The following PTPRN2 variants were observed in gnomAD, a reference collection of about 807,000 sequenced individuals.
PTPRN2 encodes receptor-type tyrosine-protein phosphatase N2.
Under a neutral mutation model 118.8 loss-of-function variants are expected in PTPRN2, and 74 were observed. The observed-to-expected ratio is 0.62, with a 90% CI of 0.52 to 0.76. The LOEUF (loss-of-function observed/expected upper bound fraction) is 0.76, where lower values mean the gene tolerates loss of function less well. PTPRN2 is among the 30% of genes least tolerant of loss of function. PTPRN2 has a pLI of 0.00. For synonymous variants in PTPRN2, 641 were observed against 608.0 expected, an observed-to-expected ratio of 1.05 and a Z score of -0.80; for missense variants, 1,481 against 1,394.4, an observed-to-expected ratio of 1.06 and a Z score of -0.99.
chr7:157,842,750 C>T (rs1405210647), intron 12 of PTPRN2, among the ~76,000 whole-genome samples: 1 of 152,190 alleles, frequency 6.6e-6, no homozygotes, highest in Non-Finnish European at 1.5e-5. Flanking sequence ...CGCCACAGTG[C>T]ACACCCAGCC....
At chr7:157,961,017 ACAAAACAAAAC>A (rs1230953444) in intron 11 of PTPRN2, among the ~76,000 whole-genome samples, 3 of 152,192 alleles carry the variant, frequency 2.0e-5, no homozygotes, top group African/African-American at 2.4e-5. Context: ...AAAAACAAAA[ACAAAACAAAAC>A]CAAAACAAAA....
At chr7:158,490,593 C>A (rs1177883507) in intron 1 of PTPRN2, among the ~76,000 whole-genome samples, 4 of 152,224 alleles carry the variant, frequency 2.6e-5, no homozygotes, top group Non-Finnish European at 5.9e-5. Context: ...GCGGCTCCCG[C>A]GAGGGCGTGA....
At chr7:157,842,749 G>GCA (rs959181147) in intron 12 of PTPRN2, among the ~76,000 whole-genome samples, 5 of 152,092 alleles carry the variant, frequency 3.3e-5, no homozygotes, top group African/African-American at 1.2e-4. Context: ...CCGCCACAGT[G>GCA]CACACCCAGC....
Position 157,952,475 on chromosome 7 carries a change from C to CGG in PTPRN2, c.1724-53739_1724-53738insCC, listed in dbSNP as rs199915138. 6.9e-3 allele frequency among the ~76,000 whole-genome samples: 804 copies of CGG among 115,810 alleles called. 11 individuals carry two copies. Among genetic ancestry groups the CGG allele is most frequent in the Middle Eastern group, 0.022 (5 of 228 alleles). The allele number at this position is 115,810 out of a possible 152,430, so 76.0% of individuals were successfully genotyped here. A position where few individuals can be genotyped will look rare whatever the true frequency, so the allele number is the denominator to read the frequency against. On this transcript the variant is annotated intron_variant, in intron 11 of 22. Transcript: ENST00000389418. ...CATGCCTGAGACGGGGTGGGGGACACAGGGAGACAGGCGAGGGTGGGGAGG... is the reference window on the plus strand; with the variant it reads ...CATGCCTGAGACGGGGTGGGGGACACGGAGGGAGACAGGCGAGGGTGGGGAGG...
intron 13 of PTPRN2, 62 bp downstream of exon 13, chr7:157,682,662 GC>G: frequency 6.8e-7 from 1 of 1,475,708 alleles, no homozygotes; most frequent in Non-Finnish European, 9.4e-7. Context: ...AGAGAGGAAC[GC>G]CATCATCTGC....
chr7:157,855,454 G>A (rs1000954563), intron 12 of PTPRN2, among the ~76,000 whole-genome samples: 13 of 152,310 alleles, frequency 8.5e-5, no homozygotes, highest in African/African-American at 2.2e-4. Flanking sequence ...GAAGCTAAAC[G>A]CTGAGTGGTG....
rs184335123 is a variant in PTPRN2 at position 157,740,993 on chromosome 7, G to A, written c.1789-58056C>T. On this transcript the variant is annotated intron_variant, in intron 12 of 22. Coordinates refer to ENST00000389418, the MANE Select transcript of PTPRN2 (RefSeq NM_002847.5). The stretch of plus-strand genomic sequence containing the variant: ...AAACCCTATTTACTTTGTCAGAGAG[G>A]AAAAAATAATCAAATAAACTCTCCA... 6.2e-3 allele frequency among the ~76,000 whole-genome samples: 938 copies of A among 152,268 alleles called. 5 individuals carry two copies. Among genetic ancestry groups the A allele is most frequent in the South Asian group, 0.011 (52 of 4,822 alleles).
At chr7:157,997,131 C>T (rs986501785) in intron 11 of PTPRN2, among the ~76,000 whole-genome samples, 5 of 152,236 alleles carry the variant, frequency 3.3e-5, no homozygotes, top group Non-Finnish European at 5.9e-5. Flanking sequence ...GGGTTGGGGG[C>T]ACATCTGATG....
intron 11 of PTPRN2, among the ~76,000 whole-genome samples, chr7:158,070,639 G>C: frequency 7.4e-6 from 1 of 135,166 alleles, no homozygotes; most frequent in Non-Finnish European, 1.5e-5. Context: ...TGGTGGTGGA[G>C]GTGCCCATGG....
intron 3 of PTPRN2, among the ~76,000 whole-genome samples, chr7:158,257,756 G>C (rs933280564): frequency 1.3e-5 from 2 of 152,258 alleles, no homozygotes; most frequent in African/African-American, 4.8e-5. Context: ...CCACGGCGCT[G>C]ACCTGGAACT....
intron 2 of PTPRN2, among the ~76,000 whole-genome samples, chr7:158,457,062 T>C (rs1818560512): frequency 6.6e-6 from 1 of 152,200 alleles, no homozygotes; most frequent in Admixed American, 6.5e-5. Flanking sequence ...AGTCATCTTG[T>C]AGTTAATTTG....
intron 2 of PTPRN2, among the ~76,000 whole-genome samples, chr7:158,417,047 C>G (rs937706892): frequency 4.0e-5 from 6 of 150,718 alleles, no homozygotes; most frequent in African/African-American, 1.5e-4. Context: ...TGTGCTAAGT[C>G]ACAGTGCACT....
At chr7:158,154,236 A>C (rs1821487269) in intron 6 of PTPRN2, among the ~76,000 whole-genome samples, 1 of 152,226 alleles carries the variant, frequency 6.6e-6, no homozygotes, top group Admixed American at 6.5e-5. Flanking sequence ...AACCGGGCTC[A>C]AACTCCACCC....
intron 11 of PTPRN2, among the ~76,000 whole-genome samples, chr7:157,961,005 T>TCAAAAA (rs1296180337): frequency 6.6e-6 from 1 of 152,006 alleles, no homozygotes; most frequent in Admixed American, 6.6e-5. Context: ...AGACTCCGTC[T>TCAAAAA]CAAAAACAAA....
chr7:158,065,535 G>A (rs554239615), intron 11 of PTPRN2, among the ~76,000 whole-genome samples: 2 of 152,328 alleles, frequency 1.3e-5, no homozygotes, highest in East Asian at 1.9e-4. Context: ...AACGGGCTGC[G>A]GCCAGAAAGA....
intron 6 of PTPRN2, among the ~76,000 whole-genome samples, chr7:158,149,413 G>A (rs570619118): frequency 8.7e-5 from 13 of 149,758 alleles, no homozygotes; most frequent in African/African-American, 2.7e-4. Flanking sequence ...AACATAAAAT[G>A]TATAAGATGT....
At chr7:158,491,196 G>A (rs1404562863) in intron 1 of PTPRN2, among the ~76,000 whole-genome samples, 2 of 152,178 alleles carry the variant, frequency 1.3e-5, no homozygotes, top group Non-Finnish European at 2.9e-5. Context: ...AGGACCCAAC[G>A]CTGGGAGTTC....
At chr7:158,331,795 A>T (rs1479056929) in intron 2 of PTPRN2, among the ~76,000 whole-genome samples, 22 of 150,846 alleles carry the variant, frequency 1.5e-4, no homozygotes, top group African/African-American at 5.0e-4. Context: ...CACAGACATC[A>T]CTCACACCCA....
chr7:158,552,481 G>A (rs73510575), intron 1 of PTPRN2, among the ~76,000 whole-genome samples: 7,495 of 152,244 alleles, frequency 0.049, 596 homozygotes, highest in African/African-American at 0.16. Context: ...GCTGGAGTGC[G>A]GGCTGGAGTG....
Sources: allele counts gnomAD v4.1 joint callset (sites outside exome capture counted in the v4.1 genomes callset), GRCh38; gene constraint gnomAD v4.1.1; transcripts MANE v1.5; gene names NCBI Gene and HGNC (gene_info 2026-07-23, HGNC 2026-07-21).